GUCY1B1: variants seen among roughly 807,000 people sequenced by gnomAD.
The protein encoded by GUCY1B1 is guanylate cyclase 1 soluble subunit beta 1, also known as guanylate cyclase soluble subunit beta-1.
In GUCY1B1, 43 loss-of-function variants were observed where a neutral mutation model predicts 71.0. The observed-to-expected ratio is 0.61, with a 90% CI of 0.47 to 0.78. The LOEUF is 0.78. GUCY1B1 is among the 30% of genes least tolerant of loss of function. The pLI is 0.00. For synonymous variants in GUCY1B1, 266 were observed against 259.7 expected (o/e 1.02, Z -0.23); for missense variants, 535 against 754.1 (o/e 0.71, Z 3.40).
chr4:155,793,499 A>G (rs546496885), intron 5 of GUCY1B1, among the ~76,000 whole-genome samples: 1 of 152,336 alleles, frequency 6.6e-6, no homozygotes, highest in Admixed American at 6.5e-5. Context: ...ATCTTATTTG[A>G]TAGTGCTAGC....
At chr4:155,791,859 A>T (rs1739207653) in intron 5 of GUCY1B1, among the ~76,000 whole-genome samples, 1 of 152,108 alleles carries the variant, frequency 6.6e-6, no homozygotes, top group South Asian at 2.1e-4. Flanking sequence ...ATTTAACCAG[A>T]CTGAGAAAGA....
At chr4:155,759,761 G>A in intron 1 of GUCY1B1, 26 bp from the exon 2 acceptor site, 1 of 1,587,606 alleles carries the variant, frequency 6.3e-7, no homozygotes. Context: ...GGTCCCTGAC[G>A]CTCAAGTCTC....
At chr4:155,792,626 A>T (rs1395186387) in intron 5 of GUCY1B1, among the ~76,000 whole-genome samples, 2 of 151,622 alleles carry the variant, frequency 1.3e-5, no homozygotes, top group Non-Finnish European at 1.5e-5. Context: ...AGAGAATGCG[A>T]CAGGGTACTC....
intron 9 of GUCY1B1, among the ~76,000 whole-genome samples, chr4:155,801,759 C>G (rs910181740): frequency 1.3e-5 from 2 of 152,158 alleles, no homozygotes; most frequent in African/African-American, 4.8e-5. Flanking sequence ...CCATAGTAGT[C>G]TCAGTTGTAC....
rs1287825997 is a variant in GUCY1B1 at position 155,807,148 on chromosome 4, G to T, written c.*739G>T. The T allele has an allele frequency of 6.6e-6, 1 of 152,092 alleles. No homozygotes were observed. The highest frequency in any genetic ancestry group is 1.5e-5 in the Non-Finnish European group (1 of 68,008). The allele number at this position is 152,092 out of a possible 1,614,324, so 9.4% of individuals were successfully genotyped here. ...CTGTATTAAATCTCATTAACCACAG[G>T]CAGCTGTTACAGAAAGCTGCATTGT... On this transcript the variant is annotated 3_prime_UTR_variant, in exon 14 of 14. Coordinates refer to ENST00000264424, the MANE Select transcript of GUCY1B1 (RefSeq NM_000857.5).
intron 4 of GUCY1B1, among the ~76,000 whole-genome samples, chr4:155,783,936 TAAG>T (rs1269672419): frequency 3.9e-5 from 6 of 152,152 alleles, no homozygotes; most frequent in African/African-American, 1.2e-4. Flanking sequence ...TGAAGGAAGA[TAAG>T]AAGTATTCCA....
At chr4:155,795,788 TG>T (rs149301972) in intron 7 of GUCY1B1, among the ~76,000 whole-genome samples, 8,035 of 152,094 alleles carry the variant, frequency 0.053, 690 homozygotes, top group African/African-American at 0.18. Flanking sequence ...TTTTTTTTTT[TG>T]GAACTTCACT....
In GUCY1B1 at chr4:155,802,918, C is replaced by A. The variant is rs1355966230; in HGVS notation, c.1413+339C>A. Reference sequence around the variant, plus strand: ...ATTCATTTTAGTCCTCTGCAAGAGACATTTTTACTGAGATATATAAATGCT... The same window carrying A: ...ATTCATTTTAGTCCTCTGCAAGAGAAATTTTTACTGAGATATATAAATGCT... On this transcript the variant is annotated intron_variant, in intron 10 of 13. Transcript: ENST00000264424. The surrounding 1 kb of genome is among the most constrained non-coding windows in gnomAD (Gnocchi z 4.3). 6.6e-6 allele frequency among the ~76,000 whole-genome samples: 1 copy of A among 152,132 alleles called. No homozygotes were observed. The highest frequency in any genetic ancestry group is 1.5e-5 in the Non-Finnish European group (1 of 68,034).
chr4:155,796,249 C>T, intron 7 of GUCY1B1, 128 bp from the exon 8 acceptor site: 1 of 836,434 alleles, frequency 1.2e-6, no homozygotes, highest in South Asian at 1.7e-5. Context: ...AGAAGGCCCT[C>T]TCCTGTTCTA....
In GUCY1B1 at chr4:155,803,683, C is replaced by G. The variant is rs1162791932; in HGVS notation, c.1473C>G (p.His491Gln). 2 of 1,602,256 alleles carry G rather than the reference C, an allele frequency of 1.2e-6. No homozygotes were observed. The highest frequency in any genetic ancestry group is 1.1e-5 in the South Asian group (1 of 89,290). Residue 491 changes from histidine to glutamine, a missense_variant, in exon 11 of 14, where the codon CAC becomes CAG. By Grantham distance (24) the His-to-Gln change is conservative. Coordinates refer to ENST00000264424, the MANE Select transcript of GUCY1B1 (RefSeq NM_000857.5). ...TVSGLPEPCI[H>Q]HARSICHLAL... ...GTGGTTTACCAGAGCCATGCATTCA[C>G]CATGCACGATCCATCTGCCACCTGG...
chr4:155,780,788 A>G (rs1441902079), intron 4 of GUCY1B1, among the ~76,000 whole-genome samples: 1 of 152,164 alleles, frequency 6.6e-6, no homozygotes, highest in African/African-American at 2.4e-5. Context: ...AAGAAGAGAC[A>G]TACACTAGAC....
At chr4:155,777,930 C>CT (rs1405417418) in intron 4 of GUCY1B1, among the ~76,000 whole-genome samples, 13 of 152,146 alleles carry the variant, frequency 8.5e-5, no homozygotes, top group Non-Finnish European at 1.6e-4. Flanking sequence ...TTCAACTGCC[C>CT]TTTTTTTGGG....
At chr4:155,797,255 T>G (rs1029098851) in intron 8 of GUCY1B1, among the ~76,000 whole-genome samples, 1 of 152,170 alleles carries the variant, frequency 6.6e-6, no homozygotes, top group Non-Finnish European at 1.5e-5. Flanking sequence ...CATTATGTAG[T>G]AACACAGTCA....
rs188121070 is a variant in GUCY1B1, at chr4:155,767,296, C to T, written c.77+7436C>T. On this transcript the variant is annotated intron_variant, in intron 2 of 13. Transcript: ENST00000264424. ...TTTTTGACAACAATATTTTTAAAGG[C>T]GAATTGACATGAAGCATATACACAA... is the stretch of plus-strand genomic sequence containing the variant. 1.6e-4 allele frequency among the ~76,000 whole-genome samples: 25 copies of T among 152,114 alleles called. No individual in the cohort carries two copies. In the East Asian group the frequency reaches 3.5e-3, roughly 21 times the overall value.
chr4:155,790,137 T>G (rs955676646), intron 5 of GUCY1B1, among the ~76,000 whole-genome samples: 1 of 152,172 alleles, frequency 6.6e-6, no homozygotes, highest in South Asian at 2.1e-4. Context: ...AATTATATAG[T>G]GTTCAAGGCT....
In GUCY1B1 at chr4:155,802,864, C is replaced by G. The variant is rs1248212117; in HGVS notation, c.1413+285C>G. Among the ~76,000 whole-genome samples, 1 of 152,162 alleles carries G rather than the reference C, an allele frequency of 6.6e-6. No homozygotes were observed. The highest frequency in any genetic ancestry group is 1.5e-5 in the Non-Finnish European group (1 of 68,028). ...ACTTAGGCTAACAAATCTGGACAGG[C>G]TGTTTATCACATGTAGTATAAACAT... On this transcript the variant is annotated intron_variant, in intron 10 of 13. Transcript: ENST00000264424. This position sits in a 1 kb window ranked among gnomAD's most constrained non-coding sequence, Gnocchi z 4.3.
At chr4:155,791,208 G>A (rs1230430277) in intron 5 of GUCY1B1, among the ~76,000 whole-genome samples, 3 of 150,592 alleles carry the variant, frequency 2.0e-5, no homozygotes, top group Non-Finnish European at 4.4e-5. Flanking sequence ...TCCACCTCCC[G>A]GGTTCACGCC....
chr4:155,759,877 C>T lies in GUCY1B1; in HGVS notation c.77+17C>T, dbSNP rs377174706. The T allele has an allele frequency of 1.6e-4, 253 of 1,600,316 alleles. No individual in the cohort carries two copies. The highest frequency in any genetic ancestry group is 2.0e-4 in the Non-Finnish European group (237 of 1,168,782). ...AGACATCAAGTAAGTGGCCGGCTACCCTGGCTGTGGCCCAGGTCGGCGCCC... is the reference window on the plus strand; with the variant it reads ...AGACATCAAGTAAGTGGCCGGCTACTCTGGCTGTGGCCCAGGTCGGCGCCC... On this transcript the variant is annotated intron_variant, in intron 2 of 13. Coordinates refer to ENST00000264424, the MANE Select transcript of GUCY1B1 (RefSeq NM_000857.5).
chr4:155,781,034 G>A (rs563363736), intron 4 of GUCY1B1, among the ~76,000 whole-genome samples: 2 of 152,278 alleles, frequency 1.3e-5, no homozygotes, highest in East Asian at 1.9e-4. Flanking sequence ...GAAGTTGCCT[G>A]TCCACAGCCT....
Sources: allele counts gnomAD v4.1 joint callset (sites outside exome capture counted in the v4.1 genomes callset), GRCh38; gene constraint gnomAD v4.1.1; non-coding constraint Gnocchi (gnomAD v3.1); transcripts MANE v1.5; gene names NCBI Gene and HGNC (gene_info 2026-07-23, HGNC 2026-07-21).